HIGD1A: variants seen among roughly 807,000 people sequenced by gnomAD.
HIGD1A encodes HIG1 hypoxia inducible domain family member 1A, also known as HIG1 domain family member 1A, mitochondrial.
A neutral mutation model predicts 11.3 loss-of-function variants in HIGD1A; 8 were observed. The observed-to-expected ratio is 0.71, with a 90% confidence interval of 0.42 to 1.28. The LOEUF is 1.28. HIGD1A is among the 50% of genes most tolerant of loss of function. The probability of loss-of-function intolerance (pLI) is 0.01; values close to 1 mark genes in which losing one functional copy is unlikely to be tolerated. For missense variants in HIGD1A, 107 were observed against 118.8 expected (o/e 0.90, Z 0.46); for synonymous variants, 32 against 38.4 (o/e 0.83, Z 0.62).
At chr3:42,802,598 T>C (rs1409396707) in intron 1 of HIGD1A, among the ~76,000 whole-genome samples, 2 of 152,242 alleles carry the variant, frequency 1.3e-5, no homozygotes, top group African/African-American at 4.8e-5. Flanking sequence ...ATTCATGGTT[T>C]ATAGCCACCT....
intron 1 of HIGD1A, among the ~76,000 whole-genome samples, chr3:42,799,916 TCA>T (rs773728758): frequency 1.3e-5 from 2 of 152,210 alleles, no homozygotes; most frequent in Non-Finnish European, 2.9e-5. Context: ...TTGGCACGTT[TCA>T]CAGAGAAACA....
At chr3:42,794,015 G>T in intron 2 of HIGD1A, 142 bp downstream of exon 2, 2 of 822,014 alleles carry the variant, frequency 2.4e-6, no homozygotes, top group Non-Finnish European at 3.6e-6. Flanking sequence ...GAATCTTTAT[G>T]ATGAGATTTA....
At chr3:42,793,963 C>T (rs1328141914) in intron 2 of HIGD1A, among the ~76,000 whole-genome samples, 194 bp downstream of exon 2, 1 of 151,768 alleles carries the variant, frequency 6.6e-6, no homozygotes, top group African/African-American at 2.4e-5. Context: ...TGAAAGAGAC[C>T]CTGTCTCCAA....
intron 1 of HIGD1A, among the ~76,000 whole-genome samples, chr3:42,796,880 C>CCAGCTGCA (rs1192073063): frequency 1.5e-4 from 1 of 6,612 alleles, no homozygotes; most frequent in African/African-American, 1.6e-4. Flanking sequence ...CTTATAACTT[C>CCAGCTGCA]CGTCCCTCTC....
chr3:42,803,997 G>C (rs1700603886), intron 1 of HIGD1A, among the ~76,000 whole-genome samples: 1 of 152,156 alleles, frequency 6.6e-6, no homozygotes, highest in Admixed American at 6.5e-5. Flanking sequence ...TCCGTGACCG[G>C]AGCGCTCGCT....
At chr3:42,785,908 AATGAGT>A in intron 3 of HIGD1A, 114 bp downstream of exon 3, 3 of 854,108 alleles carry the variant, frequency 3.5e-6, no homozygotes, top group Non-Finnish European at 5.7e-6. Context: ...TTTACATGAA[AATGAGT>A]ATAAGTGATA....
In HIGD1A at chr3:42,804,473, C is replaced by A; in HGVS notation, c.-60G>T. Reference sequence around the variant, plus strand: ...AACCTCTCACACCCCAACCGGCTTCCGATCCCTGCAGGCGCACCCAGTCCT... The same window carrying A: ...AACCTCTCACACCCCAACCGGCTTCAGATCCCTGCAGGCGCACCCAGTCCT... On this transcript the variant is annotated 5_prime_UTR_variant, in exon 1 of 4. Coordinates refer to ENST00000321331, the MANE Select transcript of HIGD1A (RefSeq NM_014056.4). 2.2e-6 allele frequency: 1 copy of A among 461,440 alleles called. No individual in the cohort carries two copies. Among genetic ancestry groups the A allele is most frequent in the Non-Finnish European group, 3.8e-6 (1 of 259,976 alleles). 28.6% of individuals were successfully genotyped at this position (461,440 alleles called of 1,614,324 possible).
At position 42,783,785 on chromosome 3, in the gene HIGD1A, T is replaced by A. The variant is rs571413763; in HGVS notation, c.*1486A>T. 2.0e-5 allele frequency among the ~76,000 whole-genome samples: 3 copies of A among 151,926 alleles called. No homozygotes were observed. Among genetic ancestry groups the A allele is most frequent in the African/African-American group, 7.3e-5 (3 of 41,372 alleles). The stretch of plus-strand genomic sequence containing the variant: ...TAAATAGAAGAGTGTTATAATTATA[T>A]GGATAATCAGCTGGGCGTGGTGGCT... On this transcript the variant is annotated 3_prime_UTR_variant, in exon 4 of 4. Coordinates refer to ENST00000321331, the MANE Select transcript of HIGD1A (RefSeq NM_014056.4).
intron 2 of HIGD1A, among the ~76,000 whole-genome samples, chr3:42,793,715 C>A (rs1417001265): frequency 1.3e-5 from 2 of 152,200 alleles, no homozygotes; most frequent in Non-Finnish European, 2.9e-5. Context: ...CAGCTCACGC[C>A]TATAATCCTA....
chr3:42,801,500 G>A (rs1423390987), intron 1 of HIGD1A, among the ~76,000 whole-genome samples: 2 of 152,134 alleles, frequency 1.3e-5, no homozygotes, highest in Non-Finnish European at 2.9e-5. Context: ...TATATAATAT[G>A]TACACTACAA....
In HIGD1A at chr3:42,784,411, T is replaced by C. The variant is rs1374568451; in HGVS notation, c.*860A>G. 6.6e-6 allele frequency: 1 copy of C among 152,310 alleles called. No homozygotes were observed. The highest frequency in any genetic ancestry group is 2.4e-5 in the African/African-American group (1 of 41,478). 9.4% of individuals were successfully genotyped at this position (152,310 alleles called of 1,614,324 possible). A position where few individuals can be genotyped will look rare whatever the true frequency, so the allele number is the denominator to read the frequency against. ...AAGTGTGATAGCCTTCTGTATATTA[T>C]ATAAAAGTTTGGGTATACTGTCTGG... On this transcript the variant is annotated 3_prime_UTR_variant, in exon 4 of 4. Transcript: ENST00000321331.
At chr3:42,793,433 G>A (rs1188249775) in intron 2 of HIGD1A, among the ~76,000 whole-genome samples, 1 of 152,180 alleles carries the variant, frequency 6.6e-6, no homozygotes, top group African/African-American at 2.4e-5. Flanking sequence ...CAGTACTGAA[G>A]AATTAAATGC....
intron 1 of HIGD1A, among the ~76,000 whole-genome samples, chr3:42,803,377 G>C (rs1391596386): frequency 6.6e-6 from 1 of 152,200 alleles, no homozygotes; most frequent in East Asian, 1.9e-4. Context: ...AACTGATTTT[G>C]CATCAGTCGC....
chr3:42,800,147 G>A (rs1700538028), intron 1 of HIGD1A, among the ~76,000 whole-genome samples: 1 of 151,938 alleles, frequency 6.6e-6, no homozygotes, highest in Non-Finnish European at 1.5e-5. Context: ...TCAACATGGT[G>A]AAACCCCCAT....
chr3:42,791,126 A>G (rs1700417240), intron 2 of HIGD1A, among the ~76,000 whole-genome samples: 1 of 152,246 alleles, frequency 6.6e-6, no homozygotes, highest in South Asian at 2.1e-4. Context: ...TATATGACAT[A>G]GTTCACATTT....
chr3:42,800,275 G>A lies in HIGD1A; in HGVS notation c.-23+4161C>T, dbSNP rs143390910. Among the ~76,000 whole-genome samples, 7 of 151,970 alleles carry A rather than the reference G, an allele frequency of 4.6e-5. No homozygotes were observed. In the East Asian group the frequency reaches 7.7e-4, roughly 17 times the overall value. Reference sequence around the variant, plus strand: ...ACCCGGGAGGCAGAGGTTGCAGTGCGCTGAAATTGTGCAACTGCACTCCAG... The same window carrying A: ...ACCCGGGAGGCAGAGGTTGCAGTGCACTGAAATTGTGCAACTGCACTCCAG... On this transcript the variant is annotated intron_variant, in intron 1 of 3. Coordinates refer to ENST00000321331, the MANE Select transcript of HIGD1A (RefSeq NM_014056.4).
intron 2 of HIGD1A, among the ~76,000 whole-genome samples, chr3:42,790,041 G>A (rs1438038645): frequency 1.3e-4 from 20 of 151,974 alleles, no homozygotes; most frequent in Non-Finnish European, 2.2e-4. Context: ...ATTAAAAAAC[G>A]AAAAAGAGAT....
At chr3:42,792,707 C>T (rs1169886080) in intron 2 of HIGD1A, among the ~76,000 whole-genome samples, 8 of 150,014 alleles carry the variant, frequency 5.3e-5, no homozygotes, top group African/African-American at 1.2e-4. Context: ...AGGCCAGGCA[C>T]GGTGGCTCAC....
At chr3:42,800,016 T>C (rs1275903093) in intron 1 of HIGD1A, among the ~76,000 whole-genome samples, 1 of 152,164 alleles carries the variant, frequency 6.6e-6, no homozygotes, top group Non-Finnish European at 1.5e-5. Flanking sequence ...TGTTTACTAG[T>C]TGCCTTCATA....
Sources: allele counts gnomAD v4.1 joint callset (sites outside exome capture counted in the v4.1 genomes callset), GRCh38; gene constraint gnomAD v4.1.1; transcripts MANE v1.5; gene names NCBI Gene and HGNC (gene_info 2026-07-23, HGNC 2026-07-21).